The following STRIP1 variants were observed in gnomAD, a reference collection of about 807,000 sequenced individuals.
STRIP1 encodes the protein striatin-interacting protein 1.
In STRIP1, 63 loss-of-function variants were observed where a neutral mutation model predicts 106.2. The ratio of observed to expected loss-of-function variants is 0.59; its 90% CI spans 0.48 to 0.73. The LOEUF (loss-of-function observed/expected upper bound fraction) is 0.73, where lower values mean the gene tolerates loss of function less well. Among genes scored for constraint, STRIP1 ranks in the 30% least tolerant of loss-of-function variants. The pLI is 0.00. For missense variants in STRIP1, 857 were observed against 1,074.8 expected (o/e 0.80, Z 2.83); for synonymous variants, 390 against 413.0 (o/e 0.94, Z 0.67).
At chr1:110,042,295 CTG>C (rs1216967265) in intron 8 of STRIP1, among the ~76,000 whole-genome samples, 2 of 152,224 alleles carry the variant, frequency 1.3e-5, no homozygotes, top group Admixed American at 6.5e-5. Flanking sequence ...CAGCCCGACT[CTG>C]TGTCTAGGTA....
intron 10 of STRIP1, 124 bp downstream of exon 10, chr1:110,043,980 G>A: frequency 1.1e-6 from 1 of 908,130 alleles, no homozygotes; most frequent in South Asian, 1.4e-5. Context: ...GTGGCTCTGG[G>A]ATGAGGCTCT....
chr1:110,034,736 CG>C lies in STRIP1; in HGVS notation c.103del (p.Ala35HisfsTer61). The C allele has an allele frequency of 6.8e-7, 1 of 1,475,870 alleles. No individual in the cohort carries two copies. Among genetic ancestry groups the C allele is most frequent in the Non-Finnish European group, 8.9e-7 (1 of 1,119,574 alleles). 91.4% of individuals were successfully genotyped at this position (1,475,870 alleles called of 1,614,324 possible). A position where few individuals can be genotyped will look rare whatever the true frequency, so the allele number is the denominator to read the frequency against. On this transcript the variant is annotated frameshift_variant, in exon 1 of 21. Transcript: ENST00000369795. LOFTEE classifies it high-confidence loss of function. ...PPPAAAQPPP[G>X]APRAAAGLLP... ...CGCCGGCAGCCGCACAGCCACCACC[CG>C]GGGCACCGCGGGCCGCCGCGGGCCT...
intron 17 of STRIP1, 79 bp downstream of exon 17, chr1:110,049,639 A>G (rs1210690892): frequency 1.3e-5 from 13 of 1,037,056 alleles, no homozygotes; most frequent in Non-Finnish European, 1.6e-5. Flanking sequence ...CACTGTGTCC[A>G]TTTTTCCAGC....
At chr1:110,050,551 A>T in intron 18 of STRIP1, 142 bp downstream of exon 18, 1 of 767,804 alleles carries the variant, frequency 1.3e-6, no homozygotes, top group Admixed American at 2.3e-5. Flanking sequence ...AAGCACTGTA[A>T]GTGTACAGAA....
At chr1:110,050,172 A>G (rs1332140840) in intron 17 of STRIP1, 171 bp from the exon 18 acceptor site, 3 of 620,518 alleles carry the variant, frequency 4.8e-6, no homozygotes, top group African/African-American at 3.7e-5. Context: ...CTTGTAACAG[A>G]TATTTCCTCA....
At chr1:110,041,390 C>G (rs1049253268) in intron 6 of STRIP1, 146 bp from the exon 7 acceptor site, 5 of 619,036 alleles carry the variant, frequency 8.1e-6, no homozygotes, top group Non-Finnish European at 1.4e-5. Flanking sequence ...GTGGTAAATG[C>G]TTTTGGCCAT....
At chr1:110,052,618 C>T (rs931060510) in intron 20 of STRIP1, among the ~76,000 whole-genome samples, 3 of 152,024 alleles carry the variant, frequency 2.0e-5, no homozygotes, top group Non-Finnish European at 4.4e-5. Context: ...TACAGCTGCA[C>T]GCCACCATGT....
At chr1:110,042,950 T>G in intron 8 of STRIP1, 138 bp from the exon 9 acceptor site, 1 of 752,084 alleles carries the variant, frequency 1.3e-6, no homozygotes, top group Non-Finnish European at 2.1e-6. Context: ...GTGGCTTCAG[T>G]CCATTGTTCA....
upstream of STRIP1, among the ~76,000 whole-genome samples, chr1:110,032,807 A>C (rs138412866): frequency 3.6e-4 from 55 of 152,304 alleles, no homozygotes; most frequent in African/African-American, 1.3e-3. Context: ...ATGGTCCCCT[A>C]ACATGTCTTG....
intron 19 of STRIP1, 68 bp from the exon 20 acceptor site, chr1:110,051,615 G>T: frequency 1.4e-6 from 2 of 1,461,768 alleles, no homozygotes; most frequent in Non-Finnish European, 1.9e-6. Flanking sequence ...TTAAGCAGCA[G>T]TGTGACCTGG....
In STRIP1 at chr1:110,046,836, G is replaced by C. The variant is rs186131047; in HGVS notation, c.1488+85G>C. 1.8e-4 allele frequency: 176 copies of C among 993,012 alleles called. 2 individuals are homozygous for C. The South Asian group carries it at 2.2e-3, about 12-fold the overall frequency. The allele number at this position is 993,012 out of a possible 1,614,324, so 61.5% of individuals were successfully genotyped here. On this transcript the variant is annotated intron_variant, in intron 13 of 20. Coordinates refer to ENST00000369795, the MANE Select transcript of STRIP1 (RefSeq NM_033088.4). ...GGAGGCCGAGGAGGGCAGATCATGA[G>C]GTCAGGAGATTGAGACCATCCTGGC...
intron 15 of STRIP1, 56 bp downstream of exon 15, chr1:110,047,925 A>C: frequency 1.4e-6 from 2 of 1,414,694 alleles, no homozygotes; most frequent in Non-Finnish European, 2.0e-6. Flanking sequence ...GGAGAAGGGC[A>C]AACATTTTCC....
At chr1:110,034,325 A>G (rs2101760031), upstream of STRIP1, among the ~76,000 whole-genome samples, 1 of 152,328 alleles carries the variant, frequency 6.6e-6, no homozygotes, top group South Asian at 2.1e-4. Flanking sequence ...TAAGCCTTGA[A>G]CAAGGCTATG....
chr1:110,045,890 G>A (rs370529942), intron 12 of STRIP1, among the ~76,000 whole-genome samples: 13 of 152,190 alleles, frequency 8.5e-5, no homozygotes, highest in Admixed American at 3.3e-4. Context: ...GTGTGTGGAC[G>A]GGGCAGAGAG....
At chr1:110,045,628 T>G (rs928991433) in intron 12 of STRIP1, 1 of 153,776 alleles carries the variant, frequency 6.5e-6, no homozygotes, top group African/African-American at 2.4e-5. Context: ...ATGCCAACTT[T>G]ATAGCTCATA....
chr1:110,049,345 G>T (rs1170460685), intron 16 of STRIP1, 107 bp downstream of exon 16: 57 of 1,573,884 alleles, frequency 3.6e-5, no homozygotes, highest in Non-Finnish European at 4.8e-5. Context: ...CTTGAACTCT[G>T]CATGAATGTT....
chr1:110,053,176 C>G (rs1413666764), intron 20 of STRIP1, among the ~76,000 whole-genome samples: 1 of 152,202 alleles, frequency 6.6e-6, no homozygotes, highest in African/African-American at 2.4e-5. Flanking sequence ...AGTGTGTCTC[C>G]CCTGCCCACC....
At chr1:110,050,221 AG>A in intron 17 of STRIP1, 121 bp from the exon 18 acceptor site, 1 of 868,142 alleles carries the variant, frequency 1.2e-6, no homozygotes, top group East Asian at 2.6e-5. Flanking sequence ...CACATCAGGT[AG>A]ATTCCTACTT....
chr1:110,045,107 TG>T, intron 12 of STRIP1, 29 bp downstream of exon 12: 9 of 1,609,962 alleles, frequency 5.6e-6, no homozygotes, highest in Non-Finnish European at 7.7e-6. Context: ...GCTTTTGGCT[TG>T]TTTGGTCCTA....
Sources: gnomAD v4.1 joint callset for allele counts (sites outside exome capture counted in the v4.1 genomes callset) on GRCh38, gnomAD v4.1.1 for gene constraint, MANE v1.5 for transcripts, NCBI Gene and HGNC (gene_info 2026-07-23, HGNC 2026-07-21) for gene names.